RGL1: variants seen among roughly 807,000 people sequenced by gnomAD.
RGL1 encodes ral guanine nucleotide dissociation stimulator-like 1.
In RGL1, 24 loss-of-function variants were observed where a neutral mutation model predicts 95.2. The ratio of observed to expected loss-of-function variants is 0.25; its 90% CI spans 0.18 to 0.35. RGL1 has a LOEUF of 0.35. Ranked by LOEUF, RGL1 falls within the 10% of genes least tolerant of loss-of-function variation. The probability of loss-of-function intolerance (pLI) is 1.00; values close to 1 mark genes in which losing one functional copy is unlikely to be tolerated. For missense variants in RGL1, 715 were observed against 936.3 expected (o/e 0.76, Z 3.08); for synonymous variants, 329 against 344.9 (o/e 0.95, Z 0.51).
upstream of RGL1, among the ~76,000 whole-genome samples, chr1:183,800,920 A>G (rs1660950933): frequency 6.6e-6 from 1 of 152,144 alleles, no homozygotes; most frequent in Non-Finnish European, 1.5e-5. Context: ...CCTCTTGGCT[A>G]TTGTGAATAA....
At chr1:183,744,672 C>T (rs1015600202) in intron 2 of RGL1, among the ~76,000 whole-genome samples, 11 of 152,130 alleles carry the variant, frequency 7.2e-5, no homozygotes, top group African/African-American at 2.7e-4. Context: ...AAGCCTTGTA[C>T]TGTACATCTA....
chr1:183,728,902 AC>A (rs2102224338), intron 1 of RGL1, among the ~76,000 whole-genome samples: 1 of 152,296 alleles, frequency 6.6e-6, no homozygotes, highest in African/African-American at 2.4e-5. Context: ...TACCTTTTCA[AC>A]AAATGGTCTT....
chr1:183,658,158 C>T (rs1405808255), intron 1 of RGL1, among the ~76,000 whole-genome samples: 1 of 152,246 alleles, frequency 6.6e-6, no homozygotes, highest in Non-Finnish European at 1.5e-5. Flanking sequence ...TCTGCATTTC[C>T]ATCTGAGGTA....
chr1:183,763,656 G>T (rs1658820512), intron 2 of RGL1, among the ~76,000 whole-genome samples: 1 of 152,182 alleles, frequency 6.6e-6, no homozygotes, highest in South Asian at 2.1e-4. Context: ...GCCATGATGT[G>T]CAAATTCCTT....
chr1:183,681,614 A>C (rs190475042), intron 1 of RGL1, among the ~76,000 whole-genome samples: 86 of 152,328 alleles, frequency 5.6e-4, no homozygotes, highest in African/African-American at 2.0e-3. Flanking sequence ...GATGTTCATC[A>C]AAGATATTGG....
intron 3 of RGL1, among the ~76,000 whole-genome samples, chr1:183,852,797 G>C (rs1572505081): frequency 6.7e-6 from 1 of 148,434 alleles, no homozygotes; most frequent in Non-Finnish European, 1.5e-5. Context: ...AGTAAGACTT[G>C]GTCTCAAAAA....
intron 2 of RGL1, among the ~76,000 whole-genome samples, chr1:183,778,428 A>G (rs1216674100): frequency 2.0e-5 from 3 of 152,244 alleles, no homozygotes; most frequent in Non-Finnish European, 2.9e-5. Flanking sequence ...TAGTGACCTC[A>G]TAAACAAGTA....
rs547971476 is a variant in RGL1 at position 183,737,900 on chromosome 1, A to G, written c.-32-4226A>G. Among the ~76,000 whole-genome samples the G allele has an allele frequency of 3.3e-5, 5 of 152,292 alleles. No individual in the cohort carries two copies. The South Asian group carries it at 8.3e-4, about 25-fold the overall frequency. On this transcript the variant is annotated intron_variant, in intron 1 of 18. Coordinates refer to the RGL1 transcript ENST00000304685. ...TTTTACCATCCAGTTGTTTAAACAA[A>G]ATTCTGTTTTGGGTATCAGGTGTTT...
At chr1:183,810,061 G>T (rs115016696) in intron 2 of RGL1, among the ~76,000 whole-genome samples, 4,990 of 152,300 alleles carry the variant, frequency 0.033, 135 homozygotes, top group Non-Finnish European at 0.046. Context: ...TGTTGTGGTT[G>T]TATATGGACA....
chr1:183,786,291 T>C (rs1660176154), intron 2 of RGL1, among the ~76,000 whole-genome samples: 1 of 152,100 alleles, frequency 6.6e-6, no homozygotes, highest in Non-Finnish European at 1.5e-5. Flanking sequence ...GTAATTCTAG[T>C]TATTCAGGAG....
At chr1:183,706,596 G>A (rs1430663768) in intron 1 of RGL1, among the ~76,000 whole-genome samples, 2 of 152,232 alleles carry the variant, frequency 1.3e-5, no homozygotes, top group Admixed American at 1.3e-4. Context: ...AGGGGGCACA[G>A]CCTGGTGGGC....
chr1:183,886,582 G>A (rs879623160), intron 7 of RGL1, among the ~76,000 whole-genome samples: 5 of 152,106 alleles, frequency 3.3e-5, no homozygotes, highest in Non-Finnish European at 5.9e-5. Flanking sequence ...AATAAGAAAT[G>A]CAAGTTGAAT....
At chr1:183,771,303 A>G (rs867793581) in intron 2 of RGL1, among the ~76,000 whole-genome samples, 59 of 144,830 alleles carry the variant, frequency 4.1e-4, no homozygotes, top group Middle Eastern at 3.5e-3. Context: ...TAAACAAAGA[A>G]AAAAAAAAAA....
At chr1:183,917,481 C>T (rs1487836685) in intron 16 of RGL1, among the ~76,000 whole-genome samples, 3 of 152,202 alleles carry the variant, frequency 2.0e-5, no homozygotes, top group African/African-American at 7.2e-5. Flanking sequence ...CAGCTAATTC[C>T]ACATCTCTCC....
intron 2 of RGL1, among the ~76,000 whole-genome samples, chr1:183,798,200 C>T (rs968756278): frequency 1.3e-5 from 2 of 152,040 alleles, no homozygotes; most frequent in African/African-American, 4.8e-5. Flanking sequence ...ATTATTATTG[C>T]CCTCTCAGGA....
chr1:183,669,803 G>A (rs1244159435), intron 1 of RGL1, among the ~76,000 whole-genome samples: 1 of 152,146 alleles, frequency 6.6e-6, no homozygotes, highest in Non-Finnish European at 1.5e-5. Context: ...GAAGGTGAAG[G>A]AGAAACAAAG....
chr1:183,792,787 G>A (rs1274766796), intron 2 of RGL1, among the ~76,000 whole-genome samples: 1 of 152,004 alleles, frequency 6.6e-6, no homozygotes, highest in Non-Finnish European at 1.5e-5. Context: ...AAACACTGAT[G>A]ACAGAAATTG....
intron 3 of RGL1, among the ~76,000 whole-genome samples, chr1:183,858,317 T>C (rs1572512713): frequency 6.6e-6 from 1 of 152,146 alleles, no homozygotes; most frequent in African/African-American, 2.4e-5. Flanking sequence ...ACCTTCTCTT[T>C]AGAAAAAAGA....
At chr1:183,712,729 C>T (rs1478037693) in intron 1 of RGL1, among the ~76,000 whole-genome samples, 1 of 152,062 alleles carries the variant, frequency 6.6e-6, no homozygotes, top group Non-Finnish European at 1.5e-5. Flanking sequence ...CAAGGGCAGT[C>T]GAGAATGATA....
Sources: allele counts gnomAD v4.1 joint callset (sites outside exome capture counted in the v4.1 genomes callset), GRCh38; gene constraint gnomAD v4.1.1; transcripts MANE v1.5; gene names NCBI Gene and HGNC (gene_info 2026-07-23, HGNC 2026-07-21).